MSH4: variants seen among roughly 807,000 people sequenced by gnomAD.
MSH4 encodes mutS protein homolog 4.
Under a neutral mutation model 113.7 loss-of-function variants are expected in MSH4, and 106 were observed. That is an observed-to-expected ratio of 0.93 (90% CI 0.80 to 1.10). MSH4 has a LOEUF of 1.10. MSH4 is among the 50% of genes least tolerant of loss of function. The pLI, the probability that MSH4 is intolerant of heterozygous loss-of-function variation, is 0.00. For synonymous variants in MSH4, 368 were observed against 380.2 expected (o/e 0.97, Z 0.37); for missense variants, 1,061 against 1,093.7 (o/e 0.97, Z 0.42).
chr1:75,821,950 A>T (rs1320562934), intron 6 of MSH4, among the ~76,000 whole-genome samples: 1 of 152,102 alleles, frequency 6.6e-6, no homozygotes, highest in Non-Finnish European at 1.5e-5. Flanking sequence ...GACCTACTGA[A>T]TTAGAAATTT....
At chr1:75,889,060 A>G (rs1652193441) in intron 15 of MSH4, among the ~76,000 whole-genome samples, 191 bp from the exon 16 acceptor site, 1 of 152,110 alleles carries the variant, frequency 6.6e-6, no homozygotes, top group Admixed American at 6.5e-5. Context: ...ACGCCCGGCT[A>G]GGACTGGGAA....
chr1:75,861,795 C>T (rs994476203), intron 8 of MSH4, among the ~76,000 whole-genome samples: 22 of 152,226 alleles, frequency 1.4e-4, no homozygotes, highest in African/African-American at 5.3e-4. Flanking sequence ...CCACTGCTCT[C>T]TTCAGAGCTG....
intron 1 of MSH4, among the ~76,000 whole-genome samples, chr1:75,799,152 A>G (rs1649881419): frequency 6.6e-6 from 1 of 152,192 alleles, no homozygotes; most frequent in Non-Finnish European, 1.5e-5. Context: ...TCTCTTCATC[A>G]GATGCTTGGT....
intron 17 of MSH4, among the ~76,000 whole-genome samples, chr1:75,897,594 T>C (rs1557529879): frequency 6.6e-6 from 1 of 152,186 alleles, no homozygotes; most frequent in Non-Finnish European, 1.5e-5. Context: ...GCTTTGTTTC[T>C]GGTAAACTTC....
intron 9 of MSH4, among the ~76,000 whole-genome samples, chr1:75,874,525 T>C (rs1444275492): frequency 6.6e-6 from 1 of 152,112 alleles, no homozygotes; most frequent in Non-Finnish European, 1.5e-5. Context: ...TCTCGCTATG[T>C]TACGCAGGCT....
chr1:75,907,684 C>CTCTCTATATATA (rs1307238647), intron 19 of MSH4, among the ~76,000 whole-genome samples: 2 of 46,574 alleles, frequency 4.3e-5, no homozygotes, highest in South Asian at 7.5e-4. Context: ...CTCTCTCTCT[C>CTCTCTATATATA]TATACATATA....
intron 7 of MSH4, among the ~76,000 whole-genome samples, chr1:75,844,042 C>T (rs1364678352): frequency 1.3e-5 from 2 of 152,110 alleles, no homozygotes; most frequent in African/African-American, 2.4e-5. Flanking sequence ...AACTCCTGAC[C>T]TCAGGTGATC....
intron 3 of MSH4, 118 bp downstream of exon 3, chr1:75,807,259 C>T (rs1650091011): frequency 1.5e-6 from 1 of 681,976 alleles, no homozygotes; most frequent in Non-Finnish European, 2.2e-6. Context: ...ATTATTATGT[C>T]AATGTAAATA....
At chr1:75,826,886 C>T (rs754590371) in intron 7 of MSH4, among the ~76,000 whole-genome samples, 13 of 151,950 alleles carry the variant, frequency 8.6e-5, no homozygotes, top group Admixed American at 6.6e-4. Context: ...ATTATGTGGT[C>T]GATTTTAGAA....
chr1:75,804,745 A>T (rs978008883), intron 2 of MSH4, among the ~76,000 whole-genome samples: 1 of 152,014 alleles, frequency 6.6e-6, no homozygotes, highest in South Asian at 2.1e-4. Flanking sequence ...TCCTGACCTC[A>T]TGATCCACCC....
chr1:75,892,496 A>G (rs1652278041), intron 17 of MSH4, among the ~76,000 whole-genome samples: 1 of 152,066 alleles, frequency 6.6e-6, no homozygotes, highest in Non-Finnish European at 1.5e-5. Context: ...ATCTGACAAT[A>G]GTGGTAAGTA....
Position 75,893,296 on chromosome 1 carries a change from G to T in MSH4, c.2355+2472G>T, listed in dbSNP as rs1021401025. ...TTATCTCCTATAGTCACAGGGTTGA[G>T]ATTGCTGAAAATCAAACCCAGAATC... On this transcript the variant is annotated intron_variant, in intron 17 of 19. Transcript: ENST00000263187. Among the ~76,000 whole-genome samples, 5 of 152,284 alleles carry T rather than the reference G, an allele frequency of 3.3e-5. No individual in the cohort carries two copies. In the Middle Eastern group the frequency reaches 0.017, roughly 518 times the overall value.
chr1:75,844,415 C>T (rs112205173), intron 7 of MSH4, among the ~76,000 whole-genome samples: 33,897 of 152,174 alleles, frequency 0.22, 4,399 homozygotes, highest in Middle Eastern at 0.35. Context: ...CAACTTCTAT[C>T]TCCCTGGCTC....
At chr1:75,803,655 G>A in intron 1 of MSH4, 76 bp from the exon 2 acceptor site, 1 of 1,052,266 alleles carries the variant, frequency 9.5e-7, no homozygotes, top group South Asian at 2.2e-5. Flanking sequence ...AGTGAACATG[G>A]TATAAATTAT....
At chr1:75,891,404 T>C (rs548927753) in intron 17 of MSH4, among the ~76,000 whole-genome samples, 13 of 152,186 alleles carry the variant, frequency 8.5e-5, no homozygotes, top group African/African-American at 3.1e-4. Flanking sequence ...GTCCCTAAGA[T>C]GAAGTTATTT....
intron 6 of MSH4, among the ~76,000 whole-genome samples, chr1:75,818,432 T>C (rs1650335693): frequency 6.6e-6 from 1 of 152,186 alleles, no homozygotes; most frequent in African/African-American, 2.4e-5. Context: ...CTTGGACAAG[T>C]TACCTAATTT....
chr1:75,812,635 A>G lies in MSH4; in HGVS notation c.699+1828A>G, dbSNP rs1195552106. ...CTTGAACCTGGGAGGCAGAGGTTGC[A>G]GCGAGCCGAGATTGTGCCATTGCAC... On this transcript the variant is annotated intron_variant, in intron 4 of 19. Transcript: ENST00000263187. Among the ~76,000 whole-genome samples, 4 of 152,290 alleles carry G rather than the reference A, an allele frequency of 2.6e-5. No homozygotes were observed. The East Asian group carries it at 7.7e-4, about 29-fold the overall frequency.
intron 9 of MSH4, among the ~76,000 whole-genome samples, chr1:75,872,612 AAAAG>A (rs888761346): frequency 1.0e-3 from 159 of 152,340 alleles, no homozygotes; most frequent in African/African-American, 3.5e-3. Context: ...CATTTTAAAA[AAAAG>A]AAAGAAAGAA....
chr1:75,898,520 A>ATTTTT (rs35302747), intron 18 of MSH4, among the ~76,000 whole-genome samples: 7 of 141,530 alleles, frequency 4.9e-5, no homozygotes, highest in African/African-American at 1.8e-4. Flanking sequence ...ACCAAACCAT[A>ATTTTT]TTTTTTTTTT....
Sources: allele counts gnomAD v4.1 joint callset (sites outside exome capture counted in the v4.1 genomes callset), GRCh38; gene constraint gnomAD v4.1.1; transcripts MANE v1.5; gene names NCBI Gene and HGNC (gene_info 2026-07-23, HGNC 2026-07-21).